The following SAMD12 variants were observed in gnomAD, a reference collection of about 807,000 sequenced individuals.
SAMD12 encodes the protein sterile alpha motif domain-containing protein 12.
SAMD12 carries 9 observed loss-of-function variants against 15.0 expected under a neutral mutation model. The ratio of observed to expected loss-of-function variants is 0.60; its 90% CI spans 0.36 to 1.05. The LOEUF (loss-of-function observed/expected upper bound fraction) is 1.05. SAMD12 is among the 50% of genes least tolerant of loss of function. The pLI is 0.01. For missense variants in SAMD12, 230 were observed against 234.2 expected, an observed-to-expected ratio of 0.98 and a Z score of 0.12; for synonymous variants, 86 against 90.1, an observed-to-expected ratio of 0.96 and a Z score of 0.25.
chr8:118,189,034 A>C (rs1469542196), downstream of SAMD12, among the ~76,000 whole-genome samples: 1 of 152,204 alleles, frequency 6.6e-6, no homozygotes, highest in Non-Finnish European at 1.5e-5. Context: ...TACTATTATT[A>C]GCACATAAGA....
At chr8:118,282,088 T>A (rs537950616) in intron 4 of SAMD12, 1 of 346,588 alleles carries the variant, frequency 2.9e-6, no homozygotes, top group South Asian at 2.2e-5. Flanking sequence ...GGTAATAACT[T>A]AATTTGCCTC....
At chr8:118,324,102 T>C (rs1816448011) in intron 4 of SAMD12, among the ~76,000 whole-genome samples, 2 of 152,338 alleles carry the variant, frequency 1.3e-5, no homozygotes, top group Middle Eastern at 3.4e-3. Flanking sequence ...TATGTGCATG[T>C]CTATTTTTAA....
At chr8:118,511,288 G>A (rs1184364514) in intron 2 of SAMD12, among the ~76,000 whole-genome samples, 1 of 152,180 alleles carries the variant, frequency 6.6e-6, no homozygotes. Context: ...GGAACTCACA[G>A]CAATTGAAAT....
Position 118,508,791 on chromosome 8 carries a change from G to A in SAMD12, c.193-68830C>T, listed in dbSNP as rs1349603745. Among the ~76,000 whole-genome samples the A allele has an allele frequency of 2.0e-5, 3 of 152,182 alleles. No homozygotes were observed. In the South Asian group the frequency reaches 6.2e-4, roughly 32 times the overall value. On this transcript the variant is annotated intron_variant, in intron 2 of 3. Transcript: ENST00000314727. The stretch of plus-strand genomic sequence containing the variant: ...AAAAGGGTAGGCGGAGTATGACAGA[G>A]GTGGAGATATGAAAAGGATGAATGC...
At chr8:118,341,409 C>T (rs1458887319) in intron 4 of SAMD12, among the ~76,000 whole-genome samples, 1 of 152,194 alleles carries the variant, frequency 6.6e-6, no homozygotes, top group Non-Finnish European at 1.5e-5. Flanking sequence ...TTACAAACAT[C>T]TTTAATATGC....
At chr8:118,381,364 C>T (rs879396856) in intron 3 of SAMD12, among the ~76,000 whole-genome samples, 2 of 152,148 alleles carry the variant, frequency 1.3e-5, no homozygotes, top group Non-Finnish European at 2.9e-5. Flanking sequence ...AAATCAGACT[C>T]GAGTAATTTC....
At chr8:118,616,292 TCA>T (rs1236800309) in intron 1 of SAMD12, among the ~76,000 whole-genome samples, 1 of 152,180 alleles carries the variant, frequency 6.6e-6, no homozygotes, top group African/African-American at 2.4e-5. Flanking sequence ...ACTGTGGGAA[TCA>T]AAAGCAGTCA....
intron 4 of SAMD12, among the ~76,000 whole-genome samples, chr8:118,285,823 A>G (rs758610880): frequency 1.3e-5 from 2 of 152,184 alleles, no homozygotes; most frequent in Non-Finnish European, 2.9e-5. Flanking sequence ...ATTGGTAGCT[A>G]TAAGTACTAT....
chr8:118,583,037 T>G (rs1223818093), intron 1 of SAMD12, among the ~76,000 whole-genome samples: 1 of 152,152 alleles, frequency 6.6e-6, no homozygotes, highest in East Asian at 1.9e-4. Context: ...GACTATGGCT[T>G]TTTCTCCCAA....
At chr8:118,200,558 CATA>C (rs1819687195) in intron 4 of SAMD12, among the ~76,000 whole-genome samples, 1 of 151,974 alleles carries the variant, frequency 6.6e-6, no homozygotes, top group Non-Finnish European at 1.5e-5. Flanking sequence ...CAGTGGTGGC[CATA>C]ATGAGTGGGG....
chr8:118,235,140 G>A (rs2129940633), intron 4 of SAMD12, among the ~76,000 whole-genome samples: 1 of 152,020 alleles, frequency 6.6e-6, no homozygotes, highest in South Asian at 2.1e-4. Context: ...TCAAATTTAG[G>A]GTAAGATGCC....
At chr8:118,619,007 A>C (rs1378999830) in intron 1 of SAMD12, among the ~76,000 whole-genome samples, 1 of 152,168 alleles carries the variant, frequency 6.6e-6, no homozygotes, top group Admixed American at 6.5e-5. Context: ...ATTTCTCAAT[A>C]AGTTGGGTAA....
intron 2 of SAMD12, among the ~76,000 whole-genome samples, chr8:118,485,181 A>T (rs1824242234): frequency 6.6e-6 from 1 of 151,230 alleles, no homozygotes. Context: ...TCTGTTAGTA[A>T]ACCAGATGGC....
chr8:118,424,550 T>C (rs1192315614), intron 3 of SAMD12, among the ~76,000 whole-genome samples: 1 of 152,204 alleles, frequency 6.6e-6, no homozygotes, highest in East Asian at 1.9e-4. Context: ...CCAAGAGTAT[T>C]CTAAACATTT....
intron 2 of SAMD12, among the ~76,000 whole-genome samples, chr8:118,573,608 T>C (rs1020834081): frequency 6.6e-6 from 1 of 152,046 alleles, no homozygotes; most frequent in Non-Finnish European, 1.5e-5. Flanking sequence ...TTTTGAAGAG[T>C]GAAGGGTAAT....
the SAMD12 span, among the ~76,000 whole-genome samples, chr8:118,143,002 G>A: frequency 2.6e-5 from 4 of 152,308 alleles, no homozygotes; most frequent in South Asian, 8.3e-4. Context: ...AAGGAAGTAT[G>A]ATGGTAAACC....
the SAMD12 span, among the ~76,000 whole-genome samples, chr8:118,157,867 A>G: frequency 6.6e-6 from 1 of 152,240 alleles, no homozygotes; most frequent in Non-Finnish European, 1.5e-5. Context: ...AAAGTTTTTC[A>G]GGACTGTGGA....
chr8:118,216,267 T>C (rs894219573), intron 4 of SAMD12, among the ~76,000 whole-genome samples: 1 of 152,090 alleles, frequency 6.6e-6, no homozygotes, highest in Non-Finnish European at 1.5e-5. Context: ...TGTCTTCTTT[T>C]GAGAAGTGTC....
exon 5 of SAMD12, chr8:118,194,211 T>C (rs1033149594): frequency 6.6e-6 from 1 of 152,136 alleles, no homozygotes; most frequent in Non-Finnish European, 1.5e-5. Flanking sequence ...TGGCAGAATT[T>C]CCTCAGGACT....
Sources: gnomAD v4.1 joint callset for allele counts (sites outside exome capture counted in the v4.1 genomes callset) on GRCh38, gnomAD v4.1.1 for gene constraint, MANE v1.5 for transcripts, NCBI Gene and HGNC (gene_info 2026-07-23, HGNC 2026-07-21) for gene names.